MYO1H: variants seen among roughly 807,000 people sequenced by gnomAD.
The protein encoded by MYO1H is myosin IH.
A neutral mutation model predicts 149.3 loss-of-function variants in MYO1H; 118 were observed. The observed-to-expected ratio is 0.79, with a 90% CI of 0.68 to 0.92. The LOEUF is 0.92. Among genes scored for constraint, MYO1H ranks in the 40% least tolerant of loss-of-function variants. The probability of loss-of-function intolerance (pLI) is 0.00; values close to 1 mark genes in which losing one functional copy is unlikely to be tolerated. For synonymous variants in MYO1H, 447 were observed against 465.2 expected, an observed-to-expected ratio of 0.96 and a Z score of 0.50; for missense variants, 1,212 against 1,280.7, an observed-to-expected ratio of 0.95 and a Z score of 0.82.
chr12:109,318,594 T>G, the MYO1H span, among the ~76,000 whole-genome samples: 2 of 152,306 alleles, frequency 1.3e-5, no homozygotes, highest in East Asian at 3.9e-4. Flanking sequence ...CCCAAAAATC[T>G]ATAACCCCAG....
chr12:109,393,551 C>CCATCCATCCAACCATCCATT, intron 3 of MYO1H, 105 bp downstream of exon 3: 1 of 607,986 alleles, frequency 1.6e-6, no homozygotes, highest in Non-Finnish European at 3.0e-6. Context: ...ATCCATCCAT[C>CCATCCATCCAACCATCCATT]CATCCATCCA....
At chr12:109,345,886 G>A (rs561858233), upstream of MYO1H, among the ~76,000 whole-genome samples, 22 of 152,272 alleles carry the variant, frequency 1.4e-4, no homozygotes, top group African/African-American at 5.1e-4. Flanking sequence ...CATATGAAAT[G>A]TCCATGATAG....
chr12:109,438,267 C>T (rs934753413), intron 22 of MYO1H, among the ~76,000 whole-genome samples: 6 of 151,900 alleles, frequency 3.9e-5, no homozygotes, highest in Non-Finnish European at 8.8e-5. Flanking sequence ...TGAAAAAGAC[C>T]CTGGGAAAAT....
At chr12:109,365,075 A>G (rs1376027450) in intron 1 of MYO1H, among the ~76,000 whole-genome samples, 1 of 152,208 alleles carries the variant, frequency 6.6e-6, no homozygotes, top group Non-Finnish European at 1.5e-5. Flanking sequence ...GATCAAGTCC[A>G]GCCTGGGCAA....
chr12:109,399,669 T>C (rs1423007897), intron 5 of MYO1H, among the ~76,000 whole-genome samples: 1 of 151,642 alleles, frequency 6.6e-6, no homozygotes, highest in Non-Finnish European at 1.5e-5. Flanking sequence ...CCCAGCACTT[T>C]GGGAGGTCGA....
At chr12:109,315,629 T>C in the MYO1H span, among the ~76,000 whole-genome samples, 1,790 of 152,310 alleles carry the variant, frequency 0.012, 29 homozygotes, top group Non-Finnish European at 0.018. Flanking sequence ...CCACGATCCC[T>C]CAAGATAGCT....
intron 5 of MYO1H, among the ~76,000 whole-genome samples, chr12:109,398,555 G>C (rs2137046301): frequency 2.0e-5 from 3 of 151,806 alleles, no homozygotes; most frequent in Middle Eastern, 6.8e-3. Context: ...AGACCAGCCT[G>C]GTCAACATTG....
At chr12:109,396,315 T>C in intron 3 of MYO1H, 69 bp from the exon 4 acceptor site, 1 of 1,344,924 alleles carries the variant, frequency 7.4e-7, no homozygotes, top group Non-Finnish European at 1.0e-6. Flanking sequence ...ATTTTTCTTC[T>C]TTGGTGGGTG....
chr12:109,398,793 G>T (rs1870028308), intron 5 of MYO1H, among the ~76,000 whole-genome samples: 1 of 149,806 alleles, frequency 6.7e-6, no homozygotes, highest in Non-Finnish European at 1.5e-5. Flanking sequence ...TATTGTTTAG[G>T]CATGCCTGCT....
At chr12:109,365,202 A>G (rs1868842162) in intron 1 of MYO1H, among the ~76,000 whole-genome samples, 1 of 152,140 alleles carries the variant, frequency 6.6e-6, no homozygotes, top group South Asian at 2.1e-4. Context: ...CTTGAATCCC[A>G]GAGTTCAAGG....
At chr12:109,313,038 G>A in the MYO1H span, among the ~76,000 whole-genome samples, 1 of 151,892 alleles carries the variant, frequency 6.6e-6, no homozygotes, top group African/African-American at 2.4e-5. Flanking sequence ...TCAGGAGTTC[G>A]AGACCAGCCT....
intron 1 of MYO1H, among the ~76,000 whole-genome samples, chr12:109,371,650 T>A (rs540819009): frequency 1.4e-4 from 22 of 152,346 alleles, no homozygotes; most frequent in African/African-American, 4.8e-4. Context: ...ATTATTTTGT[T>A]CACATGAGAG....
chr12:109,416,303 C>G (rs1015803795), intron 15 of MYO1H, among the ~76,000 whole-genome samples: 1 of 152,076 alleles, frequency 6.6e-6, no homozygotes, highest in Non-Finnish European at 1.5e-5. Context: ...TTCCCTCTAA[C>G]CCCACCCCTT....
the MYO1H span, among the ~76,000 whole-genome samples, chr12:109,337,567 C>G: frequency 6.6e-6 from 1 of 152,136 alleles, no homozygotes; most frequent in Non-Finnish European, 1.5e-5. Flanking sequence ...CAGGGGAACT[C>G]CGCTTTATAA....
At chr12:109,359,536 G>A (rs1000239936) in intron 1 of MYO1H, 2 of 152,122 alleles carry the variant, frequency 1.3e-5, no homozygotes, top group Non-Finnish European at 2.9e-5. Context: ...GAGTTTCTCA[G>A]ATTAGAAAAG....
intron 15 of MYO1H, among the ~76,000 whole-genome samples, chr12:109,418,955 T>G (rs190581612): frequency 7.5e-4 from 114 of 152,124 alleles, no homozygotes; most frequent in African/African-American, 2.6e-3. Flanking sequence ...AAAGAAAAAA[T>G]TTTTAAAAAG....
the MYO1H span, among the ~76,000 whole-genome samples, chr12:109,327,111 CTTTTCT>C: frequency 2.2e-4 from 29 of 131,670 alleles, no homozygotes; most frequent in African/African-American, 3.6e-4. Context: ...TTTAATTTTT[CTTTTCT>C]TTTTCTTTTT....
At chr12:109,322,819 CAAAAAAAAA>C in the MYO1H span, among the ~76,000 whole-genome samples, 2 of 77,104 alleles carry the variant, frequency 2.6e-5, no homozygotes, top group Non-Finnish European at 5.1e-5. Flanking sequence ...GACTCCGTCT[CAAAAAAAAA>C]AAAAAAAAAA....
chr12:109,409,887 T>C lies in MYO1H; in HGVS notation c.1224-76T>C, dbSNP rs918672783. On this transcript the variant is annotated intron_variant, in intron 11 of 31. Transcript: ENST00000310903. ...CTTTTTCTTTATTAAAAAGTATGCC[T>C]AAAAAGAATATAATTTGTTTAAAAA... The C allele has an allele frequency of 5.8e-5, 51 of 884,188 alleles. No individual in the cohort carries two copies. The African/African-American group carries it at 8.3e-4, about 14-fold the overall frequency. 54.8% of individuals were successfully genotyped at this position (884,188 alleles called of 1,614,324 possible).
Sources: allele counts gnomAD v4.1 joint callset (sites outside exome capture counted in the v4.1 genomes callset), GRCh38; gene constraint gnomAD v4.1.1; transcripts MANE v1.5; gene names NCBI Gene and HGNC (gene_info 2026-07-23, HGNC 2026-07-21).